SLC45A2: variants seen among roughly 807,000 people sequenced by gnomAD.
SLC45A2 encodes the protein solute carrier family 45 member 2.
A neutral mutation model predicts 45.5 loss-of-function variants in SLC45A2; 36 were observed. That is an observed-to-expected ratio of 0.79 (90% CI 0.61 to 1.04). The LOEUF is 1.04. Among genes scored for constraint, SLC45A2 ranks in the 50% least tolerant of loss-of-function variants. SLC45A2 has a pLI of 0.00. For synonymous variants in SLC45A2, 306 were observed against 269.3 expected, an observed-to-expected ratio of 1.14 and a Z score of -1.33; for missense variants, 719 against 671.0, an observed-to-expected ratio of 1.07 and a Z score of -0.79.
intron 3 of SLC45A2, among the ~76,000 whole-genome samples, chr5:33,959,661 TCTC>T (rs1356312419): frequency 1.3e-5 from 2 of 152,182 alleles, no homozygotes; most frequent in Non-Finnish European, 2.9e-5. Flanking sequence ...TCAACTGTAT[TCTC>T]CTATCAAGTG....
chr5:33,971,789 G>T (rs1752783552), intron 2 of SLC45A2, among the ~76,000 whole-genome samples: 2 of 152,164 alleles, frequency 1.3e-5, no homozygotes, highest in Admixed American at 1.3e-4. Context: ...CCCATGCCTG[G>T]CTAATTTTTG....
chr5:33,972,307 A>G (rs1752807579), intron 2 of SLC45A2: 1 of 412,606 alleles, frequency 2.4e-6, no homozygotes, highest in Non-Finnish European at 4.9e-6. Context: ...AACAGACCAA[A>G]TACACGGGAT....
At chr5:33,961,893 G>A (rs760307101) in intron 3 of SLC45A2, among the ~76,000 whole-genome samples, 1 of 152,218 alleles carries the variant, frequency 6.6e-6, no homozygotes, top group African/African-American at 2.4e-5. Context: ...CCTCTAAGGA[G>A]CAACTTTGGC....
At chr5:33,954,808 C>T (rs1752228361) in intron 3 of SLC45A2, among the ~76,000 whole-genome samples, 1 of 152,130 alleles carries the variant, frequency 6.6e-6, no homozygotes, top group Admixed American at 6.5e-5. Context: ...GTCTGAATGA[C>T]AGAACTGTTG....
At position 33,947,496 on chromosome 5, in the gene SLC45A2, C is replaced by T. The variant is rs866958920; in HGVS notation, c.1157-122G>A. On this transcript the variant is annotated intron_variant, in intron 5 of 6. Coordinates refer to ENST00000296589, the MANE Select transcript of SLC45A2 (RefSeq NM_016180.5). The stretch of plus-strand genomic sequence containing the variant: ...ACATCCTTTGATACTGAGCCAGGAA[C>T]AAAAGAATCCCCTTATCTGTGGGTT... 43 of 932,672 alleles carry T rather than the reference C, an allele frequency of 4.6e-5. No homozygotes were observed. The Middle Eastern group carries it at 1.0e-3, about 22-fold the overall frequency. The allele number at this position is 932,672 out of a possible 1,614,324, so 57.8% of individuals were successfully genotyped here.
chr5:33,976,339 T>A (rs1455118856), intron 2 of SLC45A2, among the ~76,000 whole-genome samples: 1 of 152,222 alleles, frequency 6.6e-6, no homozygotes, highest in Admixed American at 6.5e-5. Flanking sequence ...TTCACACGTA[T>A]GTTACCTCTG....
chr5:33,969,121 C>G (rs1752704126), intron 2 of SLC45A2, among the ~76,000 whole-genome samples: 1 of 142,916 alleles, frequency 7.0e-6, no homozygotes, highest in Admixed American at 7.1e-5. Context: ...ATTTGTTTAT[C>G]AATAGAAATT....
chr5:33,964,039 T>A, intron 2 of SLC45A2, 23 bp from the exon 3 acceptor site: 2 of 1,608,928 alleles, frequency 1.2e-6, no homozygotes, highest in Non-Finnish European at 1.7e-6. Context: ...AAAAGCTATG[T>A]TAGCATATTT....
At chr5:33,946,659 G>C (rs1227525855) in intron 6 of SLC45A2, 2 of 1,024,842 alleles carry the variant, frequency 2.0e-6, no homozygotes, top group Non-Finnish European at 2.3e-6. Flanking sequence ...CATGGGGTCT[G>C]ACTTACTAAA....
Position 33,944,726 on chromosome 5 carries a change from G to A in SLC45A2, c.1515C>T (p.Val505=), listed in dbSNP as rs184036018. Residue 505 remains valine, a synonymous_variant, in exon 7 of 7, where the codon GTC becomes GTT. Coordinates refer to ENST00000296589, the MANE Select transcript of SLC45A2 (RefSeq NM_016180.5). The stretch of plus-strand genomic sequence containing the variant: ...CCGCAGACGCTGTGATCACCACGAC[G>A]ACAACGGTCCCGGCTGTGTTGACCA... ...GFLVNTAGTV[V]VVVITASAVA... 93 of 1,614,186 alleles carry A rather than the reference G, an allele frequency of 5.8e-5. No individual in the cohort carries two copies. The East Asian group carries it at 6.0e-4, about 10-fold the overall frequency.
At chr5:33,972,057 T>G (rs1752796382) in intron 2 of SLC45A2, 1 of 487,548 alleles carries the variant, frequency 2.1e-6, no homozygotes, top group African/African-American at 2.0e-5. Context: ...TGCAATTTCT[T>G]AAAGGTTGTA....
chr5:33,971,991 C>T (rs773835426), intron 2 of SLC45A2: 1 of 456,116 alleles, frequency 2.2e-6, no homozygotes, highest in Non-Finnish European at 4.4e-6. Context: ...GTCCACCTGC[C>T]TTGGCCTCCC....
intron 3 of SLC45A2, among the ~76,000 whole-genome samples, chr5:33,957,694 G>T (rs551335633): frequency 6.6e-6 from 1 of 152,162 alleles, no homozygotes; most frequent in Non-Finnish European, 1.5e-5. Flanking sequence ...TGGTTTTCAT[G>T]CCTCCAACTA....
At chr5:33,968,241 A>G (rs1752662205) in intron 2 of SLC45A2, among the ~76,000 whole-genome samples, 1 of 152,216 alleles carries the variant, frequency 6.6e-6, no homozygotes, top group African/African-American at 2.4e-5. Context: ...TTTTATCTTC[A>G]AAGACAATCT....
rs562808820 is a variant in SLC45A2 at position 33,957,652 on chromosome 5, A to G, written c.889-3148T>C. On this transcript the variant is annotated intron_variant, in intron 3 of 6. Coordinates refer to ENST00000296589, the MANE Select transcript of SLC45A2 (RefSeq NM_016180.5). ...TACTTTTTCCTCAACCACAGAAAGA[A>G]GCAGCTAACAATAGCCCAAGAAACA... is the stretch of plus-strand genomic sequence containing the variant. Among the ~76,000 whole-genome samples, 3 of 152,324 alleles carry G rather than the reference A, an allele frequency of 2.0e-5. No individual in the cohort carries two copies. The East Asian group carries it at 5.8e-4, about 29-fold the overall frequency.
At chr5:33,968,255 CA>C (rs1752662670) in intron 2 of SLC45A2, among the ~76,000 whole-genome samples, 2 of 151,908 alleles carry the variant, frequency 1.3e-5, no homozygotes, top group South Asian at 4.1e-4. Flanking sequence ...ACAATCTCCC[CA>C]ACAAAACCTA....
chr5:33,980,807 G>A (rs1753053307), intron 2 of SLC45A2, among the ~76,000 whole-genome samples: 1 of 152,228 alleles, frequency 6.6e-6, no homozygotes, highest in Non-Finnish European at 1.5e-5. Context: ...ATAAGGATGA[G>A]GAGAAAGAGG....
chr5:33,946,123 T>G (rs1751918866), intron 6 of SLC45A2: 2 of 985,426 alleles, frequency 2.0e-6, no homozygotes. Flanking sequence ...TCCAGGTTTC[T>G]CTGAGCCTGA....
intron 2 of SLC45A2, among the ~76,000 whole-genome samples, chr5:33,977,462 T>TCCC: frequency 6.6e-6 from 1 of 152,152 alleles, no homozygotes; most frequent in Non-Finnish European, 1.5e-5. Flanking sequence ...GTGGATCTAG[T>TCCC]CCCCGACCAA....
Sources: gnomAD v4.1 joint callset for allele counts (sites outside exome capture counted in the v4.1 genomes callset) on GRCh38, gnomAD v4.1.1 for gene constraint, MANE v1.5 for transcripts, NCBI Gene and HGNC (gene_info 2026-07-23, HGNC 2026-07-21) for gene names.